CEP350: variants seen among roughly 807,000 people sequenced by gnomAD.
CEP350 encodes the protein centrosome-associated protein 350.
In CEP350, 126 loss-of-function variants were observed where a neutral mutation model predicts 331.8. That is an observed-to-expected ratio of 0.38 (90% CI 0.33 to 0.44). The LOEUF is 0.44. CEP350 is among the 20% of genes least tolerant of loss of function. The pLI is 1.00. For synonymous variants in CEP350, 1,200 were observed against 1,259.5 expected (o/e 0.95, Z 1.00); for missense variants, 3,406 against 3,634.6 (o/e 0.94, Z 1.62).
intron 11 of CEP350, 108 bp from the exon 12 acceptor site, chr1:180,019,841 T>C (rs1013339724): frequency 1.2e-6 from 1 of 866,298 alleles, no homozygotes; most frequent in Admixed American, 3.1e-5. Context: ...TTTTTATCTG[T>C]CCTTTTTTTG....
intron 15 of CEP350, among the ~76,000 whole-genome samples, chr1:180,033,263 T>C (rs1656136086): frequency 6.6e-6 from 1 of 152,248 alleles, no homozygotes; most frequent in Admixed American, 6.5e-5. Context: ...TTAAGAGTTG[T>C]TACAAACTGT....
intron 32 of CEP350, among the ~76,000 whole-genome samples, chr1:180,088,244 G>T (rs1659975606): frequency 6.6e-6 from 1 of 152,104 alleles, no homozygotes; most frequent in African/African-American, 2.4e-5. Context: ...CGATGTAATA[G>T]TATGCAGTCA....
chr1:180,042,955 C>T, intron 19 of CEP350, 101 bp from the exon 20 acceptor site: 1 of 1,356,134 alleles, frequency 7.4e-7, no homozygotes, highest in Non-Finnish European at 1.0e-6. Flanking sequence ...TTTGCTTGTT[C>T]TCAAGTCAGT....
chr1:180,041,585 A>C, intron 18 of CEP350, 77 bp from the exon 19 acceptor site: 1 of 1,353,564 alleles, frequency 7.4e-7, no homozygotes, highest in South Asian at 1.5e-5. Flanking sequence ...ACATGAAATA[A>C]ATTTATAAAT....
intron 15 of CEP350, among the ~76,000 whole-genome samples, chr1:180,033,341 ATATTAAG>A (rs939212116): frequency 6.6e-6 from 1 of 152,174 alleles, no homozygotes; most frequent in African/African-American, 2.4e-5. Flanking sequence ...GAAATGAAGT[ATATTAAG>A]TATTTAGAGA....
intron 5 of CEP350, among the ~76,000 whole-genome samples, chr1:179,994,258 G>A (rs1289976818): frequency 3.9e-5 from 6 of 152,008 alleles, no homozygotes; most frequent in African/African-American, 1.5e-4. Flanking sequence ...AGTGGGACAT[G>A]GTACGTAACC....
chr1:180,088,754 A>G (rs1460703591), intron 32 of CEP350, among the ~76,000 whole-genome samples: 1 of 152,196 alleles, frequency 6.6e-6, no homozygotes, highest in African/African-American at 2.4e-5. Context: ...ATAGGGATTT[A>G]TAAAGGTAAG....
intron 11 of CEP350, 128 bp downstream of exon 11, chr1:180,016,098 A>G (rs969396610): frequency 1.2e-5 from 13 of 1,091,716 alleles, no homozygotes; most frequent in African/African-American, 3.1e-5. Context: ...AAATTGGTTC[A>G]TATCTTCTGA....
At chr1:180,010,404 CTTTTTTTTTTTTTT>C (rs60408983) in intron 8 of CEP350, among the ~76,000 whole-genome samples, 1 of 119,810 alleles carries the variant, frequency 8.3e-6, no homozygotes, top group African/African-American at 3.2e-5. Flanking sequence ...CCCATGTTTG[CTTTTTTTTTTTTTT>C]TTTTTAAAGA....
intron 2 of CEP350, among the ~76,000 whole-genome samples, chr1:179,986,911 A>C (rs994688113): frequency 2.0e-5 from 3 of 152,196 alleles, no homozygotes; most frequent in Non-Finnish European, 2.9e-5. Flanking sequence ...ACAATATAAA[A>C]TTTTATATTT....
Position 180,094,360 on chromosome 1 carries a change from G to C in CEP350, c.8255G>C (p.Ser2752Thr), listed in dbSNP as rs921301276. The C allele has an allele frequency of 6.2e-7, 1 of 1,613,904 alleles. No individual in the cohort carries two copies. The highest frequency in any genetic ancestry group is 1.3e-5 in the African/African-American group (1 of 75,036). Residue 2752 changes from serine (S) to threonine (T), a missense_variant, in exon 34 of 38, where the codon AGC becomes ACC. By Grantham distance (58) the Ser-to-Thr change is moderately conservative (BLOSUM62 1). This residue lies in a region of CEP350 where 1,415 missense variants were observed against 1,512.3 expected (regional missense o/e 0.94). Coordinates refer to ENST00000367607, the MANE Select transcript of CEP350 (RefSeq NM_014810.5). ...KKSKQQLEKI[S>T]LLTDSLLKVF... ...TCAAAACAACAACTGGAAAAAATCAGCTTACTGACAGACAGTTTACTAAAA... is the reference window on the plus strand; with the variant it reads ...TCAAAACAACAACTGGAAAAAATCACCTTACTGACAGACAGTTTACTAAAA...
intron 4 of CEP350, among the ~76,000 whole-genome samples, chr1:179,991,420 G>A (rs945960630): frequency 3.4e-5 from 5 of 148,458 alleles, no homozygotes; most frequent in Admixed American, 6.8e-5. Context: ...GGGTTTAAGC[G>A]ATTCTCCTGA....
In CEP350 at chr1:179,955,015, C is replaced by G; in HGVS notation, c.-141C>G. The G allele has an allele frequency of 7.6e-7, 1 of 1,317,060 alleles. No homozygotes were observed. The highest frequency in any genetic ancestry group is 9.7e-7 in the Non-Finnish European group (1 of 1,030,344). The allele number at this position is 1,317,060 out of a possible 1,614,324, so 81.6% of individuals were successfully genotyped here. ...CCGGAGCCGGTGCGAGGAGGGCACC[C>G]GGTGCGTCCCCGGAGCGGGGAGGCC... On this transcript the variant is annotated 5_prime_UTR_variant, in exon 1 of 38. Coordinates refer to ENST00000367607, the MANE Select transcript of CEP350 (RefSeq NM_014810.5).
chr1:180,003,619 G>A (rs891919818), intron 7 of CEP350, among the ~76,000 whole-genome samples: 1 of 152,134 alleles, frequency 6.6e-6, no homozygotes, highest in African/African-American at 2.4e-5. Flanking sequence ...TTGAAGTAGT[G>A]AGTAATTTGT....
chr1:179,966,578 TAAAC>T lies in CEP350; in HGVS notation c.-14+11440_-14+11443del, dbSNP rs904971060. On this transcript the variant is annotated intron_variant, in intron 1 of 37. Transcript: ENST00000367607. Reference sequence around the variant, plus strand: ...TCCCTCCCTAAGCATGCAAGAAAAATAAACAAAGGGGGCTAGAACACAAAAATCT... The same window carrying T: ...TCCCTCCCTAAGCATGCAAGAAAAATAAAGGGGGCTAGAACACAAAAATCT... Among the ~76,000 whole-genome samples the T allele has an allele frequency of 1.3e-4, 20 of 151,980 alleles. 1 individual carries two copies. The highest frequency in any genetic ancestry group is 3.9e-4 in the African/African-American group (16 of 41,344).
At position 180,099,010 on chromosome 1, in the gene CEP350, T is replaced by G. The variant is rs925368580; in HGVS notation, c.9189+25T>G. ...GGTCAGTGTATACAACCAAACTGTT[T>G]TTATTTTGACCATATCTTTTAAACT... On this transcript the variant is annotated intron_variant, in intron 37 of 37. Coordinates refer to ENST00000367607, the MANE Select transcript of CEP350 (RefSeq NM_014810.5). The G allele has an allele frequency of 7.5e-6, 12 of 1,596,250 alleles. No individual in the cohort carries two copies. In the Admixed American group the frequency reaches 1.2e-4, roughly 16 times the overall value.
intron 32 of CEP350, among the ~76,000 whole-genome samples, chr1:180,088,305 G>A (rs1659978733): frequency 6.6e-6 from 1 of 151,872 alleles, no homozygotes; most frequent in African/African-American, 2.4e-5. Flanking sequence ...ATATAATATT[G>A]TGTATTAGGA....
Position 179,996,839 on chromosome 1 carries a change from A to G in CEP350, c.682A>G (p.Arg228Gly). ...GAGAACTGAGGAAGAAATGCCTAACAGAACAAAAGGAAGTGAGAATAATTT... is the reference window on the plus strand; with the variant it reads ...GAGAACTGAGGAAGAAATGCCTAACGGAACAAAAGGAAGTGAGAATAATTT... ...SMRTEEEMPN[R>G]TKGSENNLKL... The change falls in exon 6 of 38, where the codon AGA becomes GGA. Residue 228 changes from arginine to glycine, a missense_variant. Physicochemically the swap from Arg to Gly is moderately radical, Grantham distance 125. Transcript: ENST00000367607. 6.2e-7 allele frequency: 1 copy of G among 1,613,786 alleles called. No homozygotes were observed. The highest frequency in any genetic ancestry group is 8.5e-7 in the Non-Finnish European group (1 of 1,179,720).
intron 6 of CEP350, among the ~76,000 whole-genome samples, chr1:179,997,761 A>G (rs931229518): frequency 1.3e-5 from 2 of 152,166 alleles, no homozygotes; most frequent in African/African-American, 4.8e-5. Context: ...TGAAAGAATA[A>G]TGCCTTTATG....
Sources: allele counts gnomAD v4.1 joint callset (sites outside exome capture counted in the v4.1 genomes callset), GRCh38; gene constraint gnomAD v4.1.1; regional missense constraint gnomAD v4.1.1; transcripts MANE v1.5; gene names NCBI Gene and HGNC (gene_info 2026-07-23, HGNC 2026-07-21).